Variants in ANKIB1 observed in about 807,000 individuals in gnomAD.
ANKIB1 encodes ankyrin repeat and IBR domain containing 1, also known as ankyrin repeat and IBR domain-containing protein 1.
ANKIB1 carries 43 observed loss-of-function variants against 122.1 expected under a neutral mutation model. The observed-to-expected ratio is 0.35, with a 90% CI of 0.28 to 0.45. ANKIB1 has a LOEUF of 0.45. ANKIB1 is among the 20% of genes least tolerant of loss of function. The probability of loss-of-function intolerance (pLI) is 1.00; values close to 1 mark genes in which losing one functional copy is unlikely to be tolerated. For synonymous variants in ANKIB1, 390 were observed against 442.0 expected, an observed-to-expected ratio of 0.88 and a Z score of 1.48; for missense variants, 992 against 1,329.5, an observed-to-expected ratio of 0.75 and a Z score of 3.95.
intron 14 of ANKIB1, among the ~76,000 whole-genome samples, chr7:92,388,426 T>C (rs1272883588): frequency 6.6e-6 from 1 of 152,212 alleles, no homozygotes; most frequent in African/African-American, 2.4e-5. Context: ...ACCCAAAAAT[T>C]ATTGAGAAAA....
At chr7:92,307,937 C>T (rs1802600642) in intron 3 of ANKIB1, among the ~76,000 whole-genome samples, 1 of 151,352 alleles carries the variant, frequency 6.6e-6, no homozygotes, top group African/African-American at 2.4e-5. Flanking sequence ...CCTCAGCCTC[C>T]CCAGTAGCTG....
chr7:92,256,591 G>A (rs1413374418), intron 1 of ANKIB1, among the ~76,000 whole-genome samples: 2 of 152,008 alleles, frequency 1.3e-5, no homozygotes, highest in African/African-American at 4.8e-5. Flanking sequence ...CTAATGTTAC[G>A]GCTTCTATCT....
At chr7:92,283,541 A>C (rs1241590127) in intron 1 of ANKIB1, among the ~76,000 whole-genome samples, 1 of 152,124 alleles carries the variant, frequency 6.6e-6, no homozygotes, top group Admixed American at 6.6e-5. Context: ...CTTCCAGTAT[A>C]AGGTCTGTCT....
At chr7:92,264,595 A>G (rs1302677554) in intron 1 of ANKIB1, among the ~76,000 whole-genome samples, 1 of 151,784 alleles carries the variant, frequency 6.6e-6, no homozygotes. Flanking sequence ...TATTTTTAGT[A>G]AAGACAGGGT....
chr7:92,350,003 CT>C, intron 7 of ANKIB1, among the ~76,000 whole-genome samples: 1 of 143,064 alleles, frequency 7.0e-6, no homozygotes, highest in East Asian at 2.0e-4. Flanking sequence ...GAGACCCCAT[CT>C]TAAAAAAAAA....
intron 18 of ANKIB1, among the ~76,000 whole-genome samples, chr7:92,397,198 A>G (rs1265666904): frequency 6.6e-6 from 1 of 152,152 alleles, no homozygotes; most frequent in Non-Finnish European, 1.5e-5. Flanking sequence ...CAAAAGTGTA[A>G]AAAAGTCAGC....
At chr7:92,288,031 G>A (rs191173008) in intron 1 of ANKIB1, among the ~76,000 whole-genome samples, 31 of 95,452 alleles carry the variant, frequency 3.2e-4, no homozygotes, top group African/African-American at 1.1e-3. Context: ...GCAAGACTCC[G>A]TCTCAAAAAA....
chr7:92,283,618 A>G (rs980652049), intron 1 of ANKIB1, among the ~76,000 whole-genome samples: 18 of 152,202 alleles, frequency 1.2e-4, no homozygotes, highest in Admixed American at 7.9e-4. Flanking sequence ...GTGCCACATA[A>G]CAATATTTTG....
chr7:92,312,987 G>C (rs542723482), intron 3 of ANKIB1, among the ~76,000 whole-genome samples: 1 of 152,172 alleles, frequency 6.6e-6, no homozygotes, highest in Admixed American at 6.6e-5. Context: ...TTCTTCCTTT[G>C]GTAGACTTCC....
At chr7:92,247,010 G>A (rs1390840679) in intron 1 of ANKIB1, among the ~76,000 whole-genome samples, 3 of 151,804 alleles carry the variant, frequency 2.0e-5, no homozygotes, top group African/African-American at 7.3e-5. Flanking sequence ...AGAATGGAGC[G>A]CTCCCCTGTA....
At chr7:92,340,979 G>T (rs1467670968) in intron 5 of ANKIB1, among the ~76,000 whole-genome samples, 1 of 152,096 alleles carries the variant, frequency 6.6e-6, no homozygotes, top group Non-Finnish European at 1.5e-5. Context: ...AGAAGAAACT[G>T]GTAAGGTTCC....
At chr7:92,364,310 T>TAAA (rs762884822) in intron 10 of ANKIB1, among the ~76,000 whole-genome samples, 22 of 33,516 alleles carry the variant, frequency 6.6e-4, no homozygotes, top group Non-Finnish European at 9.9e-4. Flanking sequence ...AGACTCCATC[T>TAAA]AAAAAAAAAA....
intron 10 of ANKIB1, among the ~76,000 whole-genome samples, chr7:92,368,738 A>C (rs976645466): frequency 2.0e-4 from 31 of 152,138 alleles, no homozygotes; most frequent in South Asian, 2.1e-4. Flanking sequence ...AAAAAAATGT[A>C]TGTATAAGGG....
intron 11 of ANKIB1, among the ~76,000 whole-genome samples, chr7:92,380,569 C>T (rs1804490689): frequency 6.6e-6 from 1 of 152,188 alleles, no homozygotes; most frequent in South Asian, 2.1e-4. Context: ...TGCTGTTCTG[C>T]AATATTTGCT....
chr7:92,386,646 A>G lies in ANKIB1; in HGVS notation c.1752+3A>G. 3.1e-6 allele frequency: 5 copies of G among 1,592,422 alleles called. No homozygotes were observed. The highest frequency in any genetic ancestry group is 4.3e-6 in the Non-Finnish European group (5 of 1,171,192). On this transcript the variant is annotated splice_donor_region_variant and intron_variant, in intron 12 of 19. Transcript: ENST00000265742. ...AATCCAAGGAAATGACTGTGGAGGT[A>G]AAGAGAACCAATTAAGCCAAGACAT...
At chr7:92,340,815 T>A (rs1171663728) in intron 5 of ANKIB1, among the ~76,000 whole-genome samples, 1 of 152,232 alleles carries the variant, frequency 6.6e-6, no homozygotes, top group African/African-American at 2.4e-5. Context: ...GGTGAAAAGA[T>A]ATGGATAGGT....
At chr7:92,255,384 T>G (rs1267280865) in intron 1 of ANKIB1, among the ~76,000 whole-genome samples, 2 of 152,152 alleles carry the variant, frequency 1.3e-5, no homozygotes, top group Non-Finnish European at 1.5e-5. Context: ...TAATGAGAAA[T>G]TAGAGGTAGA....
intron 9 of ANKIB1, among the ~76,000 whole-genome samples, chr7:92,361,612 C>G (rs890573131): frequency 6.6e-6 from 1 of 151,676 alleles, no homozygotes; most frequent in African/African-American, 2.4e-5. Context: ...GCTTGCAAAT[C>G]TAAGTTATAA....
chr7:92,311,804 C>T (rs1170977155), intron 3 of ANKIB1, among the ~76,000 whole-genome samples: 1 of 151,972 alleles, frequency 6.6e-6, no homozygotes, highest in Non-Finnish European at 1.5e-5. Context: ...GTGAAGGTAT[C>T]ACATGGTATG....
Sources: gnomAD v4.1 joint callset for allele counts (sites outside exome capture counted in the v4.1 genomes callset) on GRCh38, gnomAD v4.1.1 for gene constraint, MANE v1.5 for transcripts, NCBI Gene and HGNC (gene_info 2026-07-23, HGNC 2026-07-21) for gene names.